The following RBFOX1 variants were observed in gnomAD, a reference collection of about 807,000 sequenced individuals.
RBFOX1 encodes the protein RNA binding protein fox-1 homolog 1.
Under a neutral mutation model 57.7 loss-of-function variants are expected in RBFOX1, and 8 were observed. The ratio of observed to expected loss-of-function variants is 0.14; its 90% CI spans 0.08 to 0.25. The LOEUF (loss-of-function observed/expected upper bound fraction) is 0.25. RBFOX1 is among the 10% of genes least tolerant of loss of function. The pLI is 1.00. For synonymous variants in RBFOX1, 326 were observed against 222.4 expected (o/e 1.47, Z -4.15); for missense variants, 611 against 548.5 (o/e 1.11, Z -1.14).
intron 4 of RBFOX1, among the ~76,000 whole-genome samples, chr16:7,080,965 C>G (rs1193084836): frequency 1.3e-5 from 2 of 152,220 alleles, no homozygotes; most frequent in African/African-American, 4.8e-5. Context: ...AACTAAAGCT[C>G]TGCATGAACT....
chr16:5,830,927 C>T (rs2056244543), intron 3 of RBFOX1, among the ~76,000 whole-genome samples: 2 of 151,942 alleles, frequency 1.3e-5, no homozygotes, highest in African/African-American at 4.8e-5. Flanking sequence ...CTCTCCTTGG[C>T]CAAATTAACT....
At chr16:7,193,496 G>C (rs1207091851) in intron 4 of RBFOX1, among the ~76,000 whole-genome samples, 1 of 152,204 alleles carries the variant, frequency 6.6e-6, no homozygotes, top group Non-Finnish European at 1.5e-5. Context: ...GCAGTATCAA[G>C]CTAATACAGG....
intron 4 of RBFOX1, among the ~76,000 whole-genome samples, chr16:7,113,780 T>C (rs978187271): frequency 2.0e-5 from 3 of 152,156 alleles, no homozygotes; most frequent in African/African-American, 7.2e-5. Context: ...TTTGCTCCCT[T>C]ATTGATGATG....
chr16:6,185,456 G>T (rs542137818), intron 1 of RBFOX1, among the ~76,000 whole-genome samples: 29 of 152,286 alleles, frequency 1.9e-4, no homozygotes, highest in Admixed American at 1.9e-3. Flanking sequence ...AGGGGTTAAA[G>T]CCACTTGAGT....
chr16:6,500,896 T>TGTTTGTTTGTTTG (rs796099960), intron 2 of RBFOX1, among the ~76,000 whole-genome samples: 46 of 142,376 alleles, frequency 3.2e-4, no homozygotes, highest in Admixed American at 4.2e-4. Flanking sequence ...TTTTTTTTTT[T>TGTTTGTTTGTTTG]TTTTTAATGC....
rs867159264 is a variant in RBFOX1, at chr16:5,363,057, G to A, written c.220-104159G>A. Reference sequence around the variant, plus strand: ...TTTTTTTTTTTTTTTTTTTTGAGATGGAGTATCTCTGTGTCACCTAGGCTG... The same window carrying A: ...TTTTTTTTTTTTTTTTTTTTGAGATAGAGTATCTCTGTGTCACCTAGGCTG... On this transcript the variant is annotated intron_variant, in intron 1 of 2. Transcript: ENST00000585867. Among the ~76,000 whole-genome samples the A allele has an allele frequency of 8.0e-4, 104 of 130,568 alleles. 1 individual carries two copies. The highest frequency in any genetic ancestry group is 2.9e-3 in the African/African-American group (96 of 32,800). The allele number at this position is 130,568 out of a possible 152,430, so 85.7% of individuals were successfully genotyped here. A position where few individuals can be genotyped will look rare whatever the true frequency, so the allele number is the denominator to read the frequency against.
At chr16:7,699,666 A>C (rs936254622) in intron 14 of RBFOX1, among the ~76,000 whole-genome samples, 1 of 152,250 alleles carries the variant, frequency 6.6e-6, no homozygotes, top group Non-Finnish European at 1.5e-5. Context: ...AAATATATCA[A>C]TAATTGTGAG....
At chr16:6,677,293 AC>A (rs1233431622) in intron 3 of RBFOX1, among the ~76,000 whole-genome samples, 1 of 152,192 alleles carries the variant, frequency 6.6e-6, no homozygotes, top group African/African-American at 2.4e-5. Flanking sequence ...AGGGTGGTCA[AC>A]ACATCTGTCA....
At chr16:7,581,683 G>A (rs916275681) in intron 6 of RBFOX1, among the ~76,000 whole-genome samples, 4 of 151,954 alleles carry the variant, frequency 2.6e-5, no homozygotes, top group South Asian at 2.1e-4. Flanking sequence ...TTGTACTACC[G>A]GTCATCAGAC....
intron 3 of RBFOX1, among the ~76,000 whole-genome samples, chr16:6,910,609 T>A (rs12934274): frequency 3.3e-5 from 5 of 152,036 alleles, no homozygotes; most frequent in African/African-American, 9.7e-5. Context: ...TCCGGAGGTT[T>A]TATGGGAGAA....
intron 1 of RBFOX1, among the ~76,000 whole-genome samples, chr16:5,392,865 C>A (rs1285948066): frequency 6.6e-6 from 1 of 152,182 alleles, no homozygotes; most frequent in Non-Finnish European, 1.5e-5. Context: ...CTGTCTGCAA[C>A]TTGGGCTGTT....
At chr16:7,075,858 G>A (rs575569396) in intron 4 of RBFOX1, among the ~76,000 whole-genome samples, 2 of 152,116 alleles carry the variant, frequency 1.3e-5, no homozygotes, top group South Asian at 2.1e-4. Context: ...GGGATTACAG[G>A]CGTGAGCCAC....
intron 4 of RBFOX1, among the ~76,000 whole-genome samples, chr16:7,149,967 C>A (rs1482535693): frequency 6.6e-6 from 1 of 152,138 alleles, no homozygotes; most frequent in Admixed American, 6.5e-5. Context: ...CATACTCAGA[C>A]TTTTATGTAT....
intron 3 of RBFOX1, among the ~76,000 whole-genome samples, chr16:5,706,075 T>G (rs1411595844): frequency 6.6e-6 from 1 of 152,194 alleles, no homozygotes; most frequent in East Asian, 1.9e-4. Flanking sequence ...CATGCCTAGC[T>G]AATTTTTGTA....
At chr16:7,575,880 T>A (rs1199081495) in intron 5 of RBFOX1, among the ~76,000 whole-genome samples, 4 of 152,140 alleles carry the variant, frequency 2.6e-5, no homozygotes, top group African/African-American at 9.7e-5. Context: ...CTCTGTCATC[T>A]CCTGCTGCAT....
At chr16:5,922,142 C>T (rs1338901251) in intron 4 of RBFOX1, among the ~76,000 whole-genome samples, 1 of 152,092 alleles carries the variant, frequency 6.6e-6, no homozygotes, top group Non-Finnish European at 1.5e-5. Flanking sequence ...GCCTAGGCAA[C>T]ACAGCAAGAC....
chr16:5,974,645 C>A (rs934192953), intron 4 of RBFOX1, among the ~76,000 whole-genome samples: 5 of 151,696 alleles, frequency 3.3e-5, no homozygotes, highest in Non-Finnish European at 7.4e-5. Context: ...TGTCCCCAAC[C>A]CAGGTTTTAT....
At chr16:6,034,680 G>A (rs184188318) in intron 1 of RBFOX1, among the ~76,000 whole-genome samples, 6 of 152,264 alleles carry the variant, frequency 3.9e-5, no homozygotes, top group South Asian at 2.1e-4. Context: ...CCTTCATACC[G>A]TAACAGAATG....
At chr16:6,766,483 G>C (rs1020871884) in intron 3 of RBFOX1, among the ~76,000 whole-genome samples, 6 of 151,880 alleles carry the variant, frequency 4.0e-5, no homozygotes, top group African/African-American at 1.2e-4. Context: ...AAATCTTTGA[G>C]GGGGAGAGGG....
Sources: allele counts gnomAD v4.1 joint callset (sites outside exome capture counted in the v4.1 genomes callset), GRCh38; gene constraint gnomAD v4.1.1; transcripts MANE v1.5; gene names NCBI Gene and HGNC (gene_info 2026-07-23, HGNC 2026-07-21).